Variants in CSMD1 observed in about 807,000 individuals in gnomAD.
CSMD1 encodes the protein CUB and Sushi multiple domains 1, also known as CUB and sushi domain-containing protein 1.
Under a neutral mutation model 417.5 loss-of-function variants are expected in CSMD1, and 213 were observed. That is an observed-to-expected ratio of 0.51 (90% CI 0.46 to 0.57). The LOEUF (loss-of-function observed/expected upper bound fraction) is 0.57. Among genes scored for constraint, CSMD1 ranks in the 20% least tolerant of loss-of-function variants. The probability of loss-of-function intolerance (pLI) is 0.00; values close to 1 mark genes in which losing one functional copy is unlikely to be tolerated. For synonymous variants in CSMD1, 2,862 were observed against 1,736.8 expected, an observed-to-expected ratio of 1.65 and a Z score of -16.11; for missense variants, 6,923 against 4,529.7, an observed-to-expected ratio of 1.53 and a Z score of -15.17.
chr8:4,680,808 G>C (rs956144907), intron 1 of CSMD1, among the ~76,000 whole-genome samples: 2 of 152,038 alleles, frequency 1.3e-5, no homozygotes, highest in African/African-American at 2.4e-5. Context: ...TTGATCTCTT[G>C]ACTTCAGGTG....
At chr8:4,450,092 G>A (rs886464547) in intron 2 of CSMD1, among the ~76,000 whole-genome samples, 2 of 152,198 alleles carry the variant, frequency 1.3e-5, no homozygotes, top group African/African-American at 4.8e-5. Flanking sequence ...TCTCACTTCT[G>A]CTCAATTTAT....
intron 1 of CSMD1, among the ~76,000 whole-genome samples, chr8:4,669,943 G>C (rs752679198): frequency 3.3e-5 from 5 of 152,136 alleles, no homozygotes; most frequent in Non-Finnish European, 7.4e-5. Context: ...AAAGTCATGA[G>C]TTTCATGTTT....
rs6981716 is a variant in CSMD1 at position 4,790,637 on chromosome 8, T to C, written c.86-153079A>G. Among the ~76,000 whole-genome samples, 842 of 152,114 alleles carry C rather than the reference T, an allele frequency of 5.5e-3. 12 individuals are homozygous for C. The highest frequency in any genetic ancestry group is 0.02 in the African/African-American group (814 of 41,506). On this transcript the variant is annotated intron_variant, in intron 1 of 69. Transcript: ENST00000635120. Reference sequence around the variant, plus strand: ...CGGTACTGGTACAAAAGCAGACACATAGACCAATGCAACAGGTTACAGAAC... The same window carrying C: ...CGGTACTGGTACAAAAGCAGACACACAGACCAATGCAACAGGTTACAGAAC...
At chr8:4,298,181 A>C (rs1341099493) in intron 3 of CSMD1, among the ~76,000 whole-genome samples, 3 of 152,144 alleles carry the variant, frequency 2.0e-5, no homozygotes, top group Non-Finnish European at 4.4e-5. Flanking sequence ...ATTTTGAGGA[A>C]TCTGCCTTAG....
intron 54 of CSMD1, among the ~76,000 whole-genome samples, chr8:2,983,394 G>T (rs377740828): frequency 6.6e-6 from 1 of 152,182 alleles, no homozygotes; most frequent in East Asian, 1.9e-4. Flanking sequence ...CACTGTATTA[G>T]CCAGGATGGT....
chr8:3,179,173 C>T (rs528633933), intron 37 of CSMD1, among the ~76,000 whole-genome samples: 2 of 151,602 alleles, frequency 1.3e-5, no homozygotes, highest in African/African-American at 2.4e-5. Flanking sequence ...TCTCGATCTC[C>T]TGACCTCGTG....
intron 41 of CSMD1, among the ~76,000 whole-genome samples, chr8:3,133,471 G>C (rs2129027735): frequency 6.6e-6 from 1 of 152,260 alleles, no homozygotes; most frequent in Non-Finnish European, 1.5e-5. Context: ...GGGGAAGAGA[G>C]GCGCCCCTGG....
At chr8:4,067,637 G>A (rs568572157) in intron 3 of CSMD1, among the ~76,000 whole-genome samples, 5 of 152,060 alleles carry the variant, frequency 3.3e-5, no homozygotes, top group Non-Finnish European at 5.9e-5. Context: ...TACATAAACT[G>A]ATTTCATTCA....
At chr8:4,716,317 G>T (rs1808655977) in intron 1 of CSMD1, among the ~76,000 whole-genome samples, 1 of 152,194 alleles carries the variant, frequency 6.6e-6, no homozygotes, top group Non-Finnish European at 1.5e-5. Flanking sequence ...AGGTCATGTG[G>T]CTGAGGAAAT....
intron 6 of CSMD1, among the ~76,000 whole-genome samples, chr8:3,722,919 G>GTC (rs1360019314): frequency 1.3e-5 from 2 of 151,970 alleles, no homozygotes; most frequent in African/African-American, 4.8e-5. Context: ...ACTATTGTGT[G>GTC]TGTGCCAGTT....
At chr8:4,456,792 C>A (rs1165091132) in intron 2 of CSMD1, among the ~76,000 whole-genome samples, 1 of 151,956 alleles carries the variant, frequency 6.6e-6, no homozygotes, top group Admixed American at 6.6e-5. Context: ...ACGAGGTAAG[C>A]TGAAGAAGCT....
At chr8:4,512,016 A>C (rs1802848409) in intron 2 of CSMD1, among the ~76,000 whole-genome samples, 2 of 152,198 alleles carry the variant, frequency 1.3e-5, no homozygotes, top group Non-Finnish European at 1.5e-5. Flanking sequence ...ATCGTTTCTC[A>C]TGGACATGGT....
chr8:3,239,959 C>T (rs953808014), intron 26 of CSMD1, among the ~76,000 whole-genome samples: 7 of 151,296 alleles, frequency 4.6e-5, no homozygotes, highest in Non-Finnish European at 8.9e-5. Flanking sequence ...CTGAAGGAGC[C>T]GGGGAGCAGA....
intron 3 of CSMD1, among the ~76,000 whole-genome samples, chr8:4,094,067 C>T (rs531647888): frequency 2.0e-5 from 3 of 151,986 alleles, no homozygotes; most frequent in Non-Finnish European, 4.4e-5. Context: ...GTGTGAAGGA[C>T]AGTGTGGAAG....
chr8:4,376,480 C>G (rs1802747310), intron 3 of CSMD1, among the ~76,000 whole-genome samples: 1 of 152,072 alleles, frequency 6.6e-6, no homozygotes, highest in Non-Finnish European at 1.5e-5. Flanking sequence ...GAAAGAAAAC[C>G]TCCATTTTTA....
chr8:3,816,318 T>G (rs1363264468), intron 5 of CSMD1, among the ~76,000 whole-genome samples: 2 of 152,168 alleles, frequency 1.3e-5, no homozygotes, highest in African/African-American at 4.8e-5. Flanking sequence ...TTGCTGTGTT[T>G]TCAGCTACCC....
chr8:3,284,430 C>G, intron 25 of CSMD1, 84 bp from the exon 26 acceptor site: 2 of 997,868 alleles, frequency 2.0e-6, no homozygotes, highest in South Asian at 1.4e-5. Context: ...AAGCTCATTT[C>G]GCTTTCACAC....
At chr8:3,841,569 T>C (rs988821264) in intron 5 of CSMD1, among the ~76,000 whole-genome samples, 2 of 152,126 alleles carry the variant, frequency 1.3e-5, no homozygotes, top group African/African-American at 4.8e-5. Flanking sequence ...AAATTGTTTA[T>C]CACAAAATCA....
chr8:4,384,973 T>G (rs1204453079), intron 3 of CSMD1, among the ~76,000 whole-genome samples: 1 of 152,034 alleles, frequency 6.6e-6, no homozygotes, highest in African/African-American at 2.4e-5. Flanking sequence ...CAGGATGGAG[T>G]GCAATGGCGC....
Sources: gnomAD v4.1 joint callset for allele counts (sites outside exome capture counted in the v4.1 genomes callset) on GRCh38, gnomAD v4.1.1 for gene constraint, MANE v1.5 for transcripts, NCBI Gene and HGNC (gene_info 2026-07-23, HGNC 2026-07-21) for gene names.